The following UBD variants were observed in gnomAD, a reference collection of about 807,000 sequenced individuals.
UBD encodes the protein ubiquitin D.
In UBD, 1 loss-of-function variant was observed where a neutral mutation model predicts 2.3. The observed-to-expected ratio is 0.43, with a 90% confidence interval of 0.15 to 2.06. The LOEUF is 2.06. Ranked by LOEUF, UBD falls within the 30% of genes most tolerant of loss-of-function variation. The pLI, the probability that UBD is intolerant of heterozygous loss-of-function variation, is 0.29. For missense variants in UBD, 175 were observed against 199.3 expected (o/e 0.88, Z 0.73); for synonymous variants, 75 against 76.5 (o/e 0.98, Z 0.10).
At chr6:29,559,623 C>G in intron 1 of UBD, 52 bp downstream of exon 1, 1 of 1,608,370 alleles carries the variant, frequency 6.2e-7, no homozygotes, top group Non-Finnish European at 8.5e-7. Context: ...CTCTCCCCAA[C>G]TCTTGAAAGT....
chr6:29,556,297 A>G lies in UBD; in HGVS notation c.81T>C (p.Tyr27=). 6.2e-7 allele frequency: 1 copy of G among 1,613,058 alleles called. No homozygotes were observed. The highest frequency in any genetic ancestry group is 8.5e-7 in the Non-Finnish European group (1 of 1,180,030). Residue 27 remains tyrosine (Y), a synonymous_variant, in exon 2 of 2, where the codon TAT becomes TAC. Transcript: ENST00000377050. ...WDLMTFDANP[Y]DSVKKIKEHV... ...GTTCTTTGATTTTTTTCACGCTGTC[A>G]TATGGGTTGGCATCAAAGGTCATTA...
rs1318613229 is a variant in UBD, at chr6:29,556,297, A to T, written c.81T>A (p.Tyr27Ter). 129 of 1,612,940 alleles carry T rather than the reference A, an allele frequency of 8.0e-5. No homozygotes were observed. Among genetic ancestry groups the T allele is most frequent in the Non-Finnish European group, 9.7e-5 (115 of 1,180,038 alleles). ...WDLMTFDANP[Y>*]DSVKKIKEHV... is the part of the protein sequence containing the mutation. ...GTTCTTTGATTTTTTTCACGCTGTC[A>T]TATGGGTTGGCATCAAAGGTCATTA... is the stretch of plus-strand genomic sequence containing the variant. Residue 27 changes from tyrosine to a stop codon, truncating the protein, a stop_gained, in exon 2 of 2, where the codon TAT becomes TAA. Coordinates refer to ENST00000377050, the MANE Select transcript of UBD (RefSeq NM_006398.4). LOFTEE classifies it low-confidence loss of function (END_TRUNC).
intron 1 of UBD, chr6:29,557,151 T>G (rs1401372123): frequency 6.6e-6 from 1 of 152,216 alleles, no homozygotes; most frequent in East Asian, 1.9e-4. Context: ...AGGCAAAAGT[T>G]AAGTCATGCA....
At chr6:29,559,524 T>TG in intron 1 of UBD, 151 bp downstream of exon 1, 1 of 711,854 alleles carries the variant, frequency 1.4e-6, no homozygotes, top group Non-Finnish European at 2.4e-6. Context: ...CTTCCCATTC[T>TG]GCAAATGTCA....
chr6:29,556,473 C>T (rs1250797936), intron 1 of UBD, 123 bp from the exon 2 acceptor site: 5 of 647,280 alleles, frequency 7.7e-6, no homozygotes, highest in Middle Eastern at 2.7e-4. Flanking sequence ...TATTCAGTAG[C>T]CAGTGTCCCT....
In UBD at chr6:29,556,058, C is replaced by T. The variant is rs371483093; in HGVS notation, c.320G>A (p.Arg107Gln). Residue 107 changes from arginine to glutamine, a missense_variant, in exon 2 of 2, where the codon CGA becomes CAA. Transcript: ENST00000377050. ...CACTTGTGCCACTGAGCTGGACCTTCGCACCTGGAGGAGGTGCCTCTTTGC... is the reference window on the plus strand; with the variant it reads ...CACTTGTGCCACTGAGCTGGACCTTTGCACCTGGAGGAGGTGCCTCTTTGC... ...DEAKRHLLQVRRSSSVAQVKA... is the reference protein window; with the variant it reads ...DEAKRHLLQVQRSSSVAQVKA... 86 of 1,613,108 alleles carry T rather than the reference C, an allele frequency of 5.3e-5. No individual in the cohort carries two copies. The highest frequency in any genetic ancestry group is 1.6e-4 in the Middle Eastern group (1 of 6,062).
chr6:29,556,235 T>C lies in UBD; in HGVS notation c.143A>G (p.Gln48Arg). 1 of 1,613,104 alleles carries C rather than the reference T, an allele frequency of 6.2e-7. No individual in the cohort carries two copies. Among genetic ancestry groups the C allele is most frequent in the Non-Finnish European group, 8.5e-7 (1 of 1,180,024 alleles). Reference sequence around the variant, plus strand: ...GATCTTGGAGCCCAGCAAAAGAACCTGGTCCTGCACAGGAACCTTGGTCTT... The same window carrying C: ...GATCTTGGAGCCCAGCAAAAGAACCCGGTCCTGCACAGGAACCTTGGTCTT... ...RSKTKVPVQD[Q>R]VLLLGSKILK... The change falls in exon 2 of 2, where the codon CAG becomes CGG. Residue 48 changes from glutamine to arginine, a missense_variant. Physicochemically the swap from Gln to Arg is conservative, Grantham distance 43 (BLOSUM62 1). Transcript: ENST00000377050.
chr6:29,556,581 A>G (rs1486042835), intron 1 of UBD: 1 of 520,176 alleles, frequency 1.9e-6, no homozygotes, highest in African/African-American at 1.9e-5. Flanking sequence ...TTCGATCTTG[A>G]GAATGGAAAA....
intron 1 of UBD, among the ~76,000 whole-genome samples, chr6:29,558,942 G>A (rs917198704): frequency 1.3e-5 from 2 of 152,230 alleles, no homozygotes; most frequent in African/African-American, 4.8e-5. Context: ...TTTGGAAGCA[G>A]CCCACCACCA....
intron 1 of UBD, 24 bp downstream of exon 1, chr6:29,559,651 C>T (rs766842640): frequency 3.1e-6 from 5 of 1,612,896 alleles, no homozygotes; most frequent in East Asian, 2.2e-5. Flanking sequence ...CTTTCCCCAT[C>T]CCCTTTATCA....
rs575759535 is a variant in UBD, at chr6:29,558,271, G to C, written c.27+1404C>G. On this transcript the variant is annotated intron_variant, in intron 1 of 1. Transcript: ENST00000377050. ...GACTAAGAATCCCTAAGCCTAGCTG[G>C]GGAGGTGACTGCATCCACCTTTAAA... is the stretch of plus-strand genomic sequence containing the variant. Among the ~76,000 whole-genome samples, 6 of 152,342 alleles carry C rather than the reference G, an allele frequency of 3.9e-5. No individual in the cohort carries two copies. The East Asian group carries it at 1.2e-3, about 29-fold the overall frequency.
chr6:29,556,306 G>T lies in UBD; in HGVS notation c.72C>A (p.Ala24=). The T allele has an allele frequency of 6.2e-7, 1 of 1,612,730 alleles. No homozygotes were observed. The highest frequency in any genetic ancestry group is 1.1e-5 in the South Asian group (1 of 91,068). Residue 24 remains alanine (A), a synonymous_variant, in exon 2 of 2, where the codon GCC becomes GCA. Transcript: ENST00000377050. ...SEEWDLMTFD[A]NPYDSVKKIK... is the part of the protein sequence containing the mutation. ...TTTTTTTCACGCTGTCATATGGGTTGGCATCAAAGGTCATTAAATCCCATT... is the reference window on the plus strand; with the variant it reads ...TTTTTTTCACGCTGTCATATGGGTTTGCATCAAAGGTCATTAAATCCCATT...
chr6:29,556,670 C>T (rs1344496574), intron 1 of UBD: 8 of 330,818 alleles, frequency 2.4e-5, no homozygotes, highest in Non-Finnish European at 4.4e-5. Flanking sequence ...AAAACTTAGT[C>T]ATTGGGCCAA....
rs745937990 is a variant in UBD at position 29,556,173 on chromosome 6, C to T, written c.205G>A (p.Asp69Asn). The change falls in exon 2 of 2, where the codon GAC becomes AAC. Residue 69 changes from aspartate to asparagine, a missense_variant. Asp to Asn is a conservative substitution (Grantham distance 23, BLOSUM62 1). Transcript: ENST00000377050. The part of the protein sequence containing the change: ...PRRSLSSYGI[D>N]KEKTIHLTLK... ...GTAAGGTGGATGGTCTTCTCTTTGT[C>T]AATGCCATAAGATGAGAGGCTTCTC... The T allele has an allele frequency of 6.2e-7, 1 of 1,613,100 alleles. No individual in the cohort carries two copies. The highest frequency in any genetic ancestry group is 8.5e-7 in the Non-Finnish European group (1 of 1,180,032).
chr6:29,558,580 G>T (rs1000958775), intron 1 of UBD, among the ~76,000 whole-genome samples: 1 of 152,086 alleles, frequency 6.6e-6, no homozygotes, highest in Admixed American at 6.5e-5. Flanking sequence ...GTGAGCTTTC[G>T]CTTGCCATCC....
chr6:29,558,346 A>C lies in UBD; in HGVS notation c.27+1329T>G, dbSNP rs190566033. On this transcript the variant is annotated intron_variant, in intron 1 of 1. Transcript: ENST00000377050. ...ACCTGACCAATCAGGTAGTAAAGAG[A>C]GCTCACTAAAATGCTAATTAGGCAA... is the stretch of plus-strand genomic sequence containing the variant. Among the ~76,000 whole-genome samples, 7 of 152,256 alleles carry C rather than the reference A, an allele frequency of 4.6e-5. No homozygotes were observed. The East Asian group carries it at 1.2e-3, about 25-fold the overall frequency.
In UBD at chr6:29,556,075, C is replaced by T; in HGVS notation, c.303G>A (p.Arg101=). The change falls in exon 2 of 2, where the codon AGG becomes AGA. Residue 101 remains arginine (R), a synonymous_variant. Transcript: ENST00000377050. ...FLVESGDEAK[R]HLLQVRRSSS... ...TGGACCTTCGCACCTGGAGGAGGTG[C>T]CTCTTTGCCTCATCACCTGACTCCA... 1.9e-6 allele frequency: 3 copies of T among 1,613,112 alleles called. No homozygotes were observed. Among genetic ancestry groups the T allele is most frequent in the South Asian group, 1.1e-5 (1 of 91,086 alleles).
rs763814986 is a variant in UBD, at chr6:29,556,301, G to C, written c.77C>G (p.Pro26Arg). Residue 26 changes from proline to arginine, a missense_variant, in exon 2 of 2, where the codon CCA becomes CGA. By Grantham distance (103) the Pro-to-Arg change is moderately radical (BLOSUM62 -2). Transcript: ENST00000377050. Reference protein sequence around the residue: ...EWDLMTFDANPYDSVKKIKEH... With the variant: ...EWDLMTFDANRYDSVKKIKEH... The stretch of plus-strand genomic sequence containing the variant: ...TTTGATTTTTTTCACGCTGTCATAT[G>C]GGTTGGCATCAAAGGTCATTAAATC... 6.2e-7 allele frequency: 1 copy of C among 1,613,008 alleles called. No individual in the cohort carries two copies. Among genetic ancestry groups the C allele is most frequent in the Non-Finnish European group, 8.5e-7 (1 of 1,179,998 alleles).
At chr6:29,557,290 C>G (rs997652005) in intron 1 of UBD, 2 of 152,176 alleles carry the variant, frequency 1.3e-5, no homozygotes, top group East Asian at 1.9e-4. Flanking sequence ...TGTTGGGGAA[C>G]ACAGGCTAAC....
Sources: allele counts gnomAD v4.1 joint callset (sites outside exome capture counted in the v4.1 genomes callset), GRCh38; gene constraint gnomAD v4.1.1; transcripts MANE v1.5; gene names NCBI Gene and HGNC (gene_info 2026-07-23, HGNC 2026-07-21).